Variants in XKR5 observed in about 807,000 individuals in gnomAD.
XKR5 encodes XK related 5.
XKR5 carries 46 observed loss-of-function variants against 40.8 expected under a neutral mutation model. The ratio of observed to expected loss-of-function variants is 1.13; its 90% CI spans 0.89 to 1.44. The LOEUF (loss-of-function observed/expected upper bound fraction) is 1.44. Among genes scored for constraint, XKR5 ranks in the 40% most tolerant of loss-of-function variants. The pLI is 0.00. For synonymous variants in XKR5, 466 were observed against 356.1 expected (o/e 1.31, Z -3.48); for missense variants, 1,169 against 844.7 (o/e 1.38, Z -4.76).
intron 2 of XKR5, among the ~76,000 whole-genome samples, chr8:6,828,938 A>G (rs1451841114): frequency 2.0e-5 from 3 of 152,036 alleles, no homozygotes; most frequent in Non-Finnish European, 2.9e-5. Flanking sequence ...CCTCATCCTA[A>G]TTTCCCATAT....
Position 6,821,956 on chromosome 8 carries a change from G to A in XKR5, c.720C>T (p.Phe240=), listed in dbSNP as rs1386134650. ...IIDSTCHWRL[F]NLLVGAVYIL... ...TGTACACGGCCCCCACGAGCAGGTTGAACAGCCTCCAGTGGCAGGTGCTGT... is the reference window on the plus strand; with the variant it reads ...TGTACACGGCCCCCACGAGCAGGTTAAACAGCCTCCAGTGGCAGGTGCTGT... Residue 240 remains phenylalanine, a synonymous_variant, in exon 5 of 7, where the codon TTC becomes TTT. Coordinates refer to ENST00000618742, the MANE Select transcript of XKR5 (RefSeq NM_207411.5). 4 of 1,612,590 alleles carry A rather than the reference G, an allele frequency of 2.5e-6. No homozygotes were observed. Among genetic ancestry groups the A allele is most frequent in the Admixed American group, 1.7e-5 (1 of 59,796 alleles).
At position 6,823,415 on chromosome 8, in the gene XKR5, C is replaced by G. The variant is rs916956380; in HGVS notation, c.637+106G>C. 29 of 1,210,620 alleles carry G rather than the reference C, an allele frequency of 2.4e-5. No homozygotes were observed. The East Asian group carries it at 7.1e-4, about 30-fold the overall frequency. The allele number at this position is 1,210,620 out of a possible 1,614,324, so 75.0% of individuals were successfully genotyped here. A position where few individuals can be genotyped will look rare whatever the true frequency, so the allele number is the denominator to read the frequency against. ...TCCATTCAGCAGAGAGCCCAGTCAG[C>G]CTTCAGGCCTGGGATTGAGGATCAT... On this transcript the variant is annotated intron_variant, in intron 4 of 6. Coordinates refer to ENST00000618742, the MANE Select transcript of XKR5 (RefSeq NM_207411.5).
intron 2 of XKR5, among the ~76,000 whole-genome samples, chr8:6,828,814 G>T (rs114379241): frequency 6.6e-6 from 1 of 152,188 alleles, no homozygotes; most frequent in Non-Finnish European, 1.5e-5. Context: ...TCCAATGCCT[G>T]AGGATAAAAT....
At chr8:6,815,149 G>A (rs1338159133) in intron 6 of XKR5, among the ~76,000 whole-genome samples, 1 of 152,230 alleles carries the variant, frequency 6.6e-6, no homozygotes, top group East Asian at 1.9e-4. Flanking sequence ...AGCCTGCTGT[G>A]CTGGGAGAGG....
At chr8:6,819,576 C>A (rs1804128941) in intron 5 of XKR5, among the ~76,000 whole-genome samples, 1 of 152,214 alleles carries the variant, frequency 6.6e-6, no homozygotes. Flanking sequence ...GGCTGCCCAG[C>A]ACTGCCTGGC....
At chr8:6,822,757 C>G (rs534515866) in intron 4 of XKR5, among the ~76,000 whole-genome samples, 1 of 152,292 alleles carries the variant, frequency 6.6e-6, no homozygotes, top group South Asian at 2.1e-4. Context: ...ATCTCCAGAG[C>G]CAGATAGACT....
chr8:6,825,052 C>G lies in XKR5; in HGVS notation c.427+113G>C, dbSNP rs1018450833. The G allele has an allele frequency of 3.3e-5, 43 of 1,290,446 alleles. 1 individual carries two copies. The Middle Eastern group carries it at 1.3e-3, about 38-fold the overall frequency. The allele number at this position is 1,290,446 out of a possible 1,614,324, so 79.9% of individuals were successfully genotyped here. A position where few individuals can be genotyped will look rare whatever the true frequency, so the allele number is the denominator to read the frequency against. ...TCTGTGCCAGTGAGCTCAAGGTGCCCTAATGCTCCTAAGCAGAGGAAATCT... is the reference window on the plus strand; with the variant it reads ...TCTGTGCCAGTGAGCTCAAGGTGCCGTAATGCTCCTAAGCAGAGGAAATCT... On this transcript the variant is annotated intron_variant, in intron 3 of 6. Transcript: ENST00000618742.
Position 6,812,176 on chromosome 8 carries a change from T to A in XKR5, c.1083A>T (p.Ser361=), listed in dbSNP as rs1015832793. Residue 361 remains serine (S), a synonymous_variant, in exon 7 of 7, where the codon TCA becomes TCT. Transcript: ENST00000618742. ...CATAACTTGCCCCTTGGCATGAGCCTGAGCTCTCGGTTCTCTTCCCAGCTA... is the reference window on the plus strand; with the variant it reads ...CATAACTTGCCCCTTGGCATGAGCCAGAGCTCTCGGTTCTCTTCCCAGCTA... ...TDLAGKRTES[S]GSCQGASYEP... is the part of the protein sequence containing the mutation. 6 of 1,551,666 alleles carry A rather than the reference T, an allele frequency of 3.9e-6. No individual in the cohort carries two copies. The Admixed American group carries it at 5.9e-5, about 15-fold the overall frequency.
chr8:6,814,879 T>C (rs762540112), intron 6 of XKR5, among the ~76,000 whole-genome samples: 2 of 152,218 alleles, frequency 1.3e-5, no homozygotes, highest in Non-Finnish European at 2.9e-5. Flanking sequence ...AGGTCATTCC[T>C]TTCCCAGGTC....
At chr8:6,825,874 G>C (rs181537283) in intron 2 of XKR5, among the ~76,000 whole-genome samples, 27 of 152,224 alleles carry the variant, frequency 1.8e-4, no homozygotes, top group African/African-American at 6.5e-4. Context: ...GAAGGATCTG[G>C]AGGCTTTGCT....
chr8:6,829,869 G>T (rs1043553989), intron 2 of XKR5, among the ~76,000 whole-genome samples: 1 of 112,904 alleles, frequency 8.9e-6, no homozygotes, highest in Non-Finnish European at 1.6e-5. Context: ...ACGGAGTCTC[G>T]CTCTGTCACC....
Position 6,821,983 on chromosome 8 carries a change from G to A in XKR5, c.693C>T (p.Ile231=), listed in dbSNP as rs2977807. ...FWLVAQQSDI[I]DSTCHWRLFN... is the part of the protein sequence containing the mutation. The stretch of plus-strand genomic sequence containing the variant: ...ACAGCCTCCAGTGGCAGGTGCTGTC[G>A]ATGATGTCACTCTGCTGGGCGACAA... Residue 231 remains isoleucine, a synonymous_variant, in exon 5 of 7, where the codon ATC becomes ATT. Coordinates refer to ENST00000618742, the MANE Select transcript of XKR5 (RefSeq NM_207411.5). 23 of 1,606,722 alleles carry A rather than the reference G, an allele frequency of 1.4e-5. 1 individual carries two copies. The highest frequency in any genetic ancestry group is 1.2e-4 in the South Asian group (11 of 89,972).
intron 2 of XKR5, among the ~76,000 whole-genome samples, chr8:6,825,922 G>A (rs1804452910): frequency 6.6e-6 from 1 of 152,226 alleles, no homozygotes. Context: ...GGAGCACCAT[G>A]CGGAGCTTGG....
chr8:6,823,857 G>C (rs1804349312), intron 3 of XKR5, 127 bp from the exon 4 acceptor site: 1 of 795,146 alleles, frequency 1.3e-6, no homozygotes, highest in South Asian at 1.7e-5. Flanking sequence ...GCTGCACAGA[G>C]AGTATTACTA....
intron 6 of XKR5, 58 bp from the exon 7 acceptor site, chr8:6,812,397 T>C (rs1803771551): frequency 6.9e-7 from 1 of 1,459,808 alleles, no homozygotes; most frequent in Non-Finnish European, 9.1e-7. Flanking sequence ...ATCCTCCCTC[T>C]GGTGTGCAGT....
intron 6 of XKR5, among the ~76,000 whole-genome samples, chr8:6,813,346 T>A (rs1362223331): frequency 6.6e-6 from 1 of 152,176 alleles, no homozygotes; most frequent in East Asian, 1.9e-4. Context: ...TTGTCACCCT[T>A]CTTTTACAAG....
Position 6,835,394 on chromosome 8 carries a change from G to A in XKR5, c.58+42C>T, listed in dbSNP as rs1469683775. ...GGCTCCCGGCGCCGGGGTGGGGTTAGGGGCTGCAGGGGTGAGCACAGCCTC... is the reference window on the plus strand; with the variant it reads ...GGCTCCCGGCGCCGGGGTGGGGTTAAGGGCTGCAGGGGTGAGCACAGCCTC... On this transcript the variant is annotated intron_variant, in intron 1 of 6. Coordinates refer to ENST00000618742, the MANE Select transcript of XKR5 (RefSeq NM_207411.5). The A allele has an allele frequency of 7.9e-6, 11 of 1,394,390 alleles. No homozygotes were observed. The South Asian group carries it at 1.7e-4, about 22-fold the overall frequency. 86.4% of individuals were successfully genotyped at this position (1,394,390 alleles called of 1,614,324 possible).
intron 5 of XKR5, among the ~76,000 whole-genome samples, chr8:6,821,620 C>G (rs748728226): frequency 5.3e-5 from 8 of 152,122 alleles, no homozygotes; most frequent in African/African-American, 1.7e-4. Context: ...GAAGACATCA[C>G]CAAATATGCC....
rs1294142142 is a variant in XKR5 at position 6,810,035 on chromosome 8, C to G, written c.*1163G>C. ...GGCTGAGGTGAGAGGATTGCTTAAG[C>G]CCTGGAGGTTGAGGCTGCAGTGAGC... On this transcript the variant is annotated 3_prime_UTR_variant, in exon 7 of 7. Transcript: ENST00000618742. 6.6e-6 allele frequency: 1 copy of G among 152,278 alleles called. No homozygotes were observed. The highest frequency in any genetic ancestry group is 2.4e-5 in the African/African-American group (1 of 41,450). The allele number at this position is 152,278 out of a possible 1,614,324, so 9.4% of individuals were successfully genotyped here.
Sources: gnomAD v4.1 joint callset for allele counts (sites outside exome capture counted in the v4.1 genomes callset) on GRCh38, gnomAD v4.1.1 for gene constraint, MANE v1.5 for transcripts, NCBI Gene and HGNC (gene_info 2026-07-23, HGNC 2026-07-21) for gene names.